Variants in GLCE observed in about 807,000 individuals in gnomAD.
The protein encoded by GLCE is D-glucuronyl C5-epimerase.
Under a neutral mutation model 47.9 loss-of-function variants are expected in GLCE, and 19 were observed. That is an observed-to-expected ratio of 0.40 (90% CI 0.28 to 0.58). GLCE has a LOEUF of 0.58. GLCE is among the 20% of genes least tolerant of loss of function. The probability of loss-of-function intolerance (pLI) is 0.48; values close to 1 mark genes in which losing one functional copy is unlikely to be tolerated. For synonymous variants in GLCE, 245 were observed against 263.4 expected, an observed-to-expected ratio of 0.93 and a Z score of 0.68; for missense variants, 556 against 743.3, an observed-to-expected ratio of 0.75 and a Z score of 2.93.
intron 2 of GLCE, 134 bp downstream of exon 2, chr15:69,210,540 A>C (rs2052217343): frequency 6.6e-6 from 1 of 152,130 alleles, no homozygotes; most frequent in Non-Finnish European, 1.5e-5. Context: ...ATGCATTTTT[A>C]GACTTATATT....
intron 2 of GLCE, among the ~76,000 whole-genome samples, chr15:69,253,868 G>A (rs1192227153): frequency 2.0e-5 from 3 of 152,144 alleles, no homozygotes; most frequent in African/African-American, 7.2e-5. Flanking sequence ...AGACAGTAAA[G>A]TATTGCCTAC....
chr15:69,261,370 T>C (rs2140448073), intron 4 of GLCE, 41 bp downstream of exon 4: 1 of 1,590,374 alleles, frequency 6.3e-7, no homozygotes, highest in Non-Finnish European at 8.6e-7. Flanking sequence ...TTTATGTTGA[T>C]TTATGGGACC....
intron 1 of GLCE, among the ~76,000 whole-genome samples, chr15:69,199,475 A>G (rs1044406720): frequency 1.3e-5 from 2 of 152,206 alleles, no homozygotes; most frequent in Admixed American, 1.3e-4. Flanking sequence ...GGTAGGAATA[A>G]GCATCATCAA....
rs553268516 is a variant in GLCE at position 69,269,573 on chromosome 15, C to T, written c.*329C>T. On this transcript the variant is annotated 3_prime_UTR_variant, in exon 5 of 5. Coordinates refer to ENST00000261858, the MANE Select transcript of GLCE (RefSeq NM_015554.3). The stretch of plus-strand genomic sequence containing the variant: ...GATAATGGTAAGTAGTTGCTACTGG[C>T]CAACTGTCTAGCACTTACCTGAAAA... The T allele has an allele frequency of 2.7e-5, 7 of 255,228 alleles. No individual in the cohort carries two copies. The highest frequency in any genetic ancestry group is 2.5e-4 in the Admixed American group (5 of 20,344). The allele number at this position is 255,228 out of a possible 1,614,324, so 15.8% of individuals were successfully genotyped here.
chr15:69,203,618 G>A (rs1456152055), intron 1 of GLCE, among the ~76,000 whole-genome samples: 1 of 152,068 alleles, frequency 6.6e-6, no homozygotes, highest in Non-Finnish European at 1.5e-5. Flanking sequence ...ACCAGGTAAT[G>A]TCATCAGTTT....
intron 1 of GLCE, among the ~76,000 whole-genome samples, chr15:69,198,845 A>G (rs537500466): frequency 6.6e-6 from 1 of 152,194 alleles, no homozygotes; most frequent in East Asian, 1.9e-4. Flanking sequence ...GTGAACCACC[A>G]TGCTTGGCCA....
chr15:69,226,819 A>C (rs2052455263), intron 2 of GLCE, among the ~76,000 whole-genome samples: 2 of 129,898 alleles, frequency 1.5e-5, no homozygotes, highest in Admixed American at 2.0e-4. Flanking sequence ...ATCTCGGCTC[A>C]CTGCAACCTC....
chr15:69,195,264 T>G (rs2051970127), intron 1 of GLCE, among the ~76,000 whole-genome samples: 1 of 152,126 alleles, frequency 6.6e-6, no homozygotes, highest in Non-Finnish European at 1.5e-5. Flanking sequence ...CAAAATCAAG[T>G]CTTGTTTTTA....
intron 2 of GLCE, among the ~76,000 whole-genome samples, chr15:69,236,707 T>C (rs542422276): frequency 6.6e-6 from 1 of 152,284 alleles, no homozygotes; most frequent in African/African-American, 2.4e-5. Context: ...ACCTGTGAGG[T>C]ACCTGTGAGC....
At chr15:69,260,940 G>A (rs2053004706) in intron 3 of GLCE, 147 bp from the exon 4 acceptor site, 1 of 656,230 alleles carries the variant, frequency 1.5e-6, no homozygotes, top group East Asian at 2.6e-5. Flanking sequence ...ACTAGATCTG[G>A]TCATTATGAG....
At chr15:69,251,353 T>C (rs937985141) in intron 2 of GLCE, among the ~76,000 whole-genome samples, 2 of 152,208 alleles carry the variant, frequency 1.3e-5, no homozygotes, top group Admixed American at 1.3e-4. Context: ...TATGACTATC[T>C]GATCTTTTCA....
chr15:69,195,307 T>C (rs1020957407), intron 1 of GLCE, among the ~76,000 whole-genome samples: 5 of 152,096 alleles, frequency 3.3e-5, no homozygotes, highest in Non-Finnish European at 1.5e-5. Context: ...TAGTCTCAGC[T>C]AAATTTTTTT....
At chr15:69,225,754 T>C (rs10162608) in intron 2 of GLCE, among the ~76,000 whole-genome samples, 105,466 of 152,090 alleles carry the variant, frequency 0.69, 37,644 homozygotes, top group Admixed American at 0.77. Context: ...AAACAATTTA[T>C]GTACATTAAC....
chr15:69,235,125 T>G (rs1397330290), intron 2 of GLCE, among the ~76,000 whole-genome samples: 6 of 109,570 alleles, frequency 5.5e-5, no homozygotes, highest in Admixed American at 4.5e-4. Flanking sequence ...TTTTTTTTTT[T>G]GAGATAGAGT....
Position 69,255,908 on chromosome 15 carries a change from C to T in GLCE, c.102C>T (p.Asp34=), listed in dbSNP as rs1396383584. Reference sequence around the variant, plus strand: ...TTTTGTGGAATAAGTGTTCCAGTGACAAAGCAATCCAGTTTCCACGGCGTT... The same window carrying T: ...TTTTGTGGAATAAGTGTTCCAGTGATAAAGCAATCCAGTTTCCACGGCGTT... ...TVLLWNKCSS[D]KAIQFPRRSS... Residue 34 remains aspartate, a synonymous_variant, in exon 3 of 5, where the codon GAC becomes GAT. Transcript: ENST00000261858. The T allele has an allele frequency of 6.2e-7, 1 of 1,613,900 alleles. No individual in the cohort carries two copies. Among genetic ancestry groups the T allele is most frequent in the South Asian group, 1.1e-5 (1 of 91,070 alleles).
chr15:69,266,734 C>T (rs1429339706), intron 4 of GLCE: 6 of 944,526 alleles, frequency 6.4e-6, no homozygotes, highest in South Asian at 9.8e-5. Flanking sequence ...TGAATATTCT[C>T]ATAAGAATAC....
At chr15:69,249,560 A>T (rs1219060886) in intron 2 of GLCE, among the ~76,000 whole-genome samples, 1 of 152,226 alleles carries the variant, frequency 6.6e-6, no homozygotes, top group African/African-American at 2.4e-5. Context: ...TCAAGGAATT[A>T]TAGGAAACAT....
intron 2 of GLCE, among the ~76,000 whole-genome samples, chr15:69,224,515 G>A (rs1027331369): frequency 6.6e-6 from 1 of 152,290 alleles, no homozygotes; most frequent in Admixed American, 6.5e-5. Context: ...GGAGCAGGGG[G>A]GCTCTTGCAA....
intron 1 of GLCE, among the ~76,000 whole-genome samples, chr15:69,177,594 A>G (rs980065243): frequency 6.6e-6 from 1 of 151,890 alleles, no homozygotes; most frequent in Admixed American, 6.6e-5. Flanking sequence ...CATCTCCAGA[A>G]GTTTCTTCAT....
Sources: gnomAD v4.1 joint callset for allele counts (sites outside exome capture counted in the v4.1 genomes callset) on GRCh38, gnomAD v4.1.1 for gene constraint, MANE v1.5 for transcripts, NCBI Gene and HGNC (gene_info 2026-07-23, HGNC 2026-07-21) for gene names.